NTRK3: variants seen among roughly 807,000 people sequenced by gnomAD.
The protein encoded by NTRK3 is neurotrophic receptor tyrosine kinase 3.
In NTRK3, 24 loss-of-function variants were observed where a neutral mutation model predicts 91.7. The ratio of observed to expected loss-of-function variants is 0.26; its 90% CI spans 0.19 to 0.37. The LOEUF (loss-of-function observed/expected upper bound fraction) is 0.37, where lower values mean the gene tolerates loss of function less well. NTRK3 is among the 10% of genes least tolerant of loss of function. NTRK3 has a pLI of 1.00. For synonymous variants in NTRK3, 483 were observed against 404.0 expected (o/e 1.20, Z -2.34); for missense variants, 880 against 1,068.9 (o/e 0.82, Z 2.46).
At chr15:87,926,683 T>G (rs2068337079) in intron 17 of NTRK3, 2 of 152,250 alleles carry the variant, frequency 1.3e-5, no homozygotes, top group African/African-American at 4.8e-5. Context: ...TTTTTATTTT[T>G]TGTTTTTCCT....
intron 13 of NTRK3, among the ~76,000 whole-genome samples, chr15:88,050,885 A>G (rs1423205726): frequency 1.3e-5 from 2 of 152,164 alleles, no homozygotes; most frequent in Non-Finnish European, 2.9e-5. Context: ...TACTCATCCT[A>G]CAATATACTC....
chr15:87,997,907 C>T (rs1253545223), intron 14 of NTRK3, among the ~76,000 whole-genome samples: 1 of 152,132 alleles, frequency 6.6e-6, no homozygotes, highest in African/African-American at 2.4e-5. Context: ...GGGAGAGTCA[C>T]TGTCTTTCCA....
intron 13 of NTRK3, among the ~76,000 whole-genome samples, chr15:88,114,463 TTTCTC>T (rs1311679009): frequency 6.6e-6 from 1 of 152,244 alleles, no homozygotes; most frequent in African/African-American, 2.4e-5. Context: ...CTTGGAGTCT[TTTCTC>T]ACTTGGAAAT....
At chr15:87,887,683 C>T (rs541054959) in intron 17 of NTRK3, among the ~76,000 whole-genome samples, 10 of 152,124 alleles carry the variant, frequency 6.6e-5, no homozygotes, top group African/African-American at 2.2e-4. Context: ...GTGGTCAAAG[C>T]CTTCCCCGGT....
intron 17 of NTRK3, among the ~76,000 whole-genome samples, chr15:87,898,326 T>G (rs949510372): frequency 1.3e-5 from 2 of 152,068 alleles, no homozygotes; most frequent in Non-Finnish European, 2.9e-5. Flanking sequence ...TTTGTGGGTT[T>G]TGTAGGTTCA....
chr15:88,216,709 G>T (rs1168523500), intron 3 of NTRK3, among the ~76,000 whole-genome samples: 1 of 152,156 alleles, frequency 6.6e-6, no homozygotes, highest in African/African-American at 2.4e-5. Flanking sequence ...GTGACTGCCT[G>T]GGGAATGGTT....
At chr15:88,024,744 G>T (rs1393000890) in intron 14 of NTRK3, among the ~76,000 whole-genome samples, 2 of 152,186 alleles carry the variant, frequency 1.3e-5, no homozygotes, top group African/African-American at 2.4e-5. Context: ...GTGTCAACAA[G>T]ACTTCTGGGA....
chr15:87,984,901 C>T (rs1184710173), intron 14 of NTRK3, among the ~76,000 whole-genome samples: 2 of 152,138 alleles, frequency 1.3e-5, no homozygotes, highest in African/African-American at 4.8e-5. Flanking sequence ...ATCCTTCACC[C>T]CTGCACTTAT....
At chr15:88,041,824 T>A (rs1173605347) in intron 13 of NTRK3, among the ~76,000 whole-genome samples, 610 of 89,918 alleles carry the variant, frequency 6.8e-3, no homozygotes, top group South Asian at 8.7e-3. Flanking sequence ...AAGTCCCTCA[T>A]AAAAAAAAAA....
chr15:88,101,688 T>C (rs2050190615), intron 13 of NTRK3, among the ~76,000 whole-genome samples: 1 of 152,112 alleles, frequency 6.6e-6, no homozygotes, highest in South Asian at 2.1e-4. Context: ...TATGCAGCCA[T>C]AAAAAATGAT....
At chr15:88,145,064 C>T (rs1413646479) in intron 6 of NTRK3, among the ~76,000 whole-genome samples, 1 of 152,178 alleles carries the variant, frequency 6.6e-6, no homozygotes, top group Non-Finnish European at 1.5e-5. Context: ...TGGAAATACA[C>T]AACCCATCCC....
intron 14 of NTRK3, among the ~76,000 whole-genome samples, chr15:88,016,957 A>T (rs570537749): frequency 6.2e-3 from 252 of 40,576 alleles, no homozygotes; most frequent in African/African-American, 0.037. Flanking sequence ...GACGAAGCTT[A>T]AAAAAAAAAA....
At chr15:88,070,730 C>G (rs944928456) in intron 13 of NTRK3, among the ~76,000 whole-genome samples, 9 of 152,048 alleles carry the variant, frequency 5.9e-5, no homozygotes, top group African/African-American at 2.2e-4. Flanking sequence ...TGCAGGGAAG[C>G]CTGGTAGTAA....
chr15:88,231,851 T>C (rs911360508), intron 3 of NTRK3, among the ~76,000 whole-genome samples: 2 of 152,254 alleles, frequency 1.3e-5, no homozygotes, highest in African/African-American at 4.8e-5. Context: ...TCCTGGTTGC[T>C]GGAACTGAGT....
intron 3 of NTRK3, among the ~76,000 whole-genome samples, chr15:88,249,202 G>C (rs2053127591): frequency 6.6e-6 from 1 of 152,154 alleles, no homozygotes; most frequent in Non-Finnish European, 1.5e-5. Flanking sequence ...AGGGGAAAAG[G>C]ACAGGCTCCC....
chr15:88,176,746 G>A (rs2046033780), intron 5 of NTRK3, among the ~76,000 whole-genome samples: 1 of 152,186 alleles, frequency 6.6e-6, no homozygotes, highest in Non-Finnish European at 1.5e-5. Context: ...TCTGAGTGCT[G>A]GAGATATAGC....
At chr15:87,986,756 G>T (rs1353644761) in intron 14 of NTRK3, among the ~76,000 whole-genome samples, 1 of 152,210 alleles carries the variant, frequency 6.6e-6, no homozygotes, top group Non-Finnish European at 1.5e-5. Flanking sequence ...ATATCTGTAT[G>T]CACATGTGGG....
chr15:87,929,045 G>T, intron 17 of NTRK3, 146 bp downstream of exon 17: 3 of 1,199,356 alleles, frequency 2.5e-6, no homozygotes, highest in Admixed American at 1.8e-5. Context: ...TGCAAGAGAG[G>T]CCAAAAGATA....
At chr15:88,223,832 G>T (rs1315988878) in intron 3 of NTRK3, among the ~76,000 whole-genome samples, 1 of 152,182 alleles carries the variant, frequency 6.6e-6, no homozygotes, top group African/African-American at 2.4e-5. Flanking sequence ...TTCGGCCCAG[G>T]GTAGAGGCTA....
Sources: allele counts gnomAD v4.1 joint callset (sites outside exome capture counted in the v4.1 genomes callset), GRCh38; gene constraint gnomAD v4.1.1; transcripts MANE v1.5; gene names NCBI Gene and HGNC (gene_info 2026-07-23, HGNC 2026-07-21).